COL23A1: variants seen among roughly 807,000 people sequenced by gnomAD.
COL23A1 encodes collagen alpha-1(XXIII) chain.
In COL23A1, 97 loss-of-function variants were observed where a neutral mutation model predicts 99.3. The observed-to-expected ratio is 0.98, with a 90% confidence interval of 0.83 to 1.16. The LOEUF is 1.16. Among genes scored for constraint, COL23A1 ranks in the 50% most tolerant of loss-of-function variants. COL23A1 has a pLI of 0.00. For synonymous variants in COL23A1, 320 were observed against 308.2 expected (o/e 1.04, Z -0.40); for missense variants, 762 against 757.4 (o/e 1.01, Z -0.07).
chr5:178,318,497 G>T (rs530389614), intron 2 of COL23A1, among the ~76,000 whole-genome samples: 1 of 152,336 alleles, frequency 6.6e-6, no homozygotes, highest in South Asian at 2.1e-4. Flanking sequence ...CTGAGACTAC[G>T]ACCCTTCCTG....
intron 2 of COL23A1, among the ~76,000 whole-genome samples, chr5:178,369,220 G>A (rs371889217): frequency 6.6e-5 from 10 of 152,130 alleles, no homozygotes; most frequent in African/African-American, 2.4e-4. Context: ...CAGGGGAGAC[G>A]AACAGGTCTG....
chr5:178,576,912 G>A (rs1226620194), intron 1 of COL23A1, among the ~76,000 whole-genome samples: 2 of 151,804 alleles, frequency 1.3e-5, no homozygotes, highest in Admixed American at 6.6e-5. Context: ...GCGCGGCGCT[G>A]GCCGCTCTGC....
intron 1 of COL23A1, among the ~76,000 whole-genome samples, chr5:178,575,810 G>A (rs541245979): frequency 4.6e-4 from 70 of 152,292 alleles, no homozygotes; most frequent in African/African-American, 1.6e-3. Flanking sequence ...CGCAGGACAG[G>A]AAGGAAGCGG....
chr5:178,275,138 G>A (rs1424510938), intron 5 of COL23A1, among the ~76,000 whole-genome samples: 1 of 152,228 alleles, frequency 6.6e-6, no homozygotes, highest in Non-Finnish European at 1.5e-5. Flanking sequence ...GTGTCCCCGA[G>A]CCTCAGTTTC....
intron 2 of COL23A1, among the ~76,000 whole-genome samples, chr5:178,333,684 C>T (rs541007584): frequency 6.6e-6 from 1 of 152,288 alleles, no homozygotes; most frequent in South Asian, 2.1e-4. Flanking sequence ...ATCAGGGCCT[C>T]TGCCCCCAGG....
chr5:178,352,989 C>T (rs1325225824), intron 2 of COL23A1, among the ~76,000 whole-genome samples: 1 of 152,228 alleles, frequency 6.6e-6, no homozygotes, highest in Non-Finnish European at 1.5e-5. Flanking sequence ...AGGTAACTGG[C>T]AATGTACACT....
At chr5:178,569,959 C>T (rs1294484002) in intron 1 of COL23A1, among the ~76,000 whole-genome samples, 5 of 152,160 alleles carry the variant, frequency 3.3e-5, no homozygotes, top group South Asian at 2.1e-4. Flanking sequence ...GTGATTCCTT[C>T]GTAACTCAAT....
chr5:178,324,847 T>A lies in COL23A1; in HGVS notation c.362-17928A>T, dbSNP rs567951457. Among the ~76,000 whole-genome samples the A allele has an allele frequency of 1.3e-3, 194 of 152,272 alleles. 1 individual carries two copies. The highest frequency in any genetic ancestry group is 4.6e-3 in the African/African-American group (190 of 41,568). ...TCTGTGAGCAGCATCGCCACCTACC[T>A]GGGAGCTCGGCGGGGGTTGCAGGTG... is the stretch of plus-strand genomic sequence containing the variant. On this transcript the variant is annotated intron_variant, in intron 2 of 28. Transcript: ENST00000390654.
At chr5:178,320,834 A>C (rs984311388) in intron 2 of COL23A1, among the ~76,000 whole-genome samples, 4 of 152,154 alleles carry the variant, frequency 2.6e-5, no homozygotes, top group African/African-American at 9.7e-5. Flanking sequence ...TTCCCTCTAA[A>C]GCCACAGCTC....
intron 2 of COL23A1, among the ~76,000 whole-genome samples, chr5:178,485,238 C>CA (rs1189985107): frequency 3.3e-5 from 5 of 151,502 alleles, no homozygotes; most frequent in East Asian, 2.0e-4. Context: ...TTTGGGAGGC[C>CA]AGGAGGGCGG....
At chr5:178,511,446 C>T (rs1042966194) in intron 2 of COL23A1, among the ~76,000 whole-genome samples, 2 of 152,234 alleles carry the variant, frequency 1.3e-5, no homozygotes, top group South Asian at 2.1e-4. Flanking sequence ...CCTTCTTTCC[C>T]CAATCCCTGC....
chr5:178,458,646 A>AC (rs1290945292), intron 2 of COL23A1, among the ~76,000 whole-genome samples: 4 of 149,168 alleles, frequency 2.7e-5, no homozygotes, highest in African/African-American at 9.7e-5. Flanking sequence ...CCAAAAAAAA[A>AC]AACACAAGAA....
intron 2 of COL23A1, among the ~76,000 whole-genome samples, chr5:178,503,241 C>T (rs922538770): frequency 4.6e-5 from 7 of 151,974 alleles, no homozygotes; most frequent in South Asian, 4.1e-4. Flanking sequence ...ATTAGCCAAG[C>T]GTGGTGGCTG....
intron 2 of COL23A1, among the ~76,000 whole-genome samples, chr5:178,326,762 C>G (rs1198964799): frequency 2.0e-5 from 3 of 152,234 alleles, no homozygotes; most frequent in Non-Finnish European, 4.4e-5. Flanking sequence ...CTCTGTCACC[C>G]AGGCTGGAGT....
chr5:178,430,276 G>A (rs1766185551), intron 2 of COL23A1, among the ~76,000 whole-genome samples: 1 of 152,116 alleles, frequency 6.6e-6, no homozygotes, highest in African/African-American at 2.4e-5. Flanking sequence ...AGACACACAG[G>A]TGACTTCACT....
chr5:178,410,936 A>G (rs1194397826), intron 2 of COL23A1, among the ~76,000 whole-genome samples: 1 of 152,356 alleles, frequency 6.6e-6, no homozygotes, highest in African/African-American at 2.4e-5. Context: ...AAACGCTTAC[A>G]ACTCAACAAT....
At chr5:178,239,877 C>T (rs1764300648) in intron 27 of COL23A1, among the ~76,000 whole-genome samples, 1 of 134,708 alleles carries the variant, frequency 7.4e-6, no homozygotes, top group South Asian at 2.2e-4. Context: ...GTGACAGTGA[C>T]TCTGGCCTGG....
At chr5:178,486,498 C>T (rs960310788) in intron 2 of COL23A1, among the ~76,000 whole-genome samples, 4 of 151,990 alleles carry the variant, frequency 2.6e-5, no homozygotes, top group African/African-American at 4.8e-5. Flanking sequence ...AGCAAAAAGC[C>T]GAACGGTTAC....
At chr5:178,555,700 G>A (rs539318781) in intron 2 of COL23A1, among the ~76,000 whole-genome samples, 15 of 152,346 alleles carry the variant, frequency 9.8e-5, no homozygotes, top group Middle Eastern at 3.4e-3. Context: ...GACACGTGGA[G>A]TGGGACCACA....
Sources: gnomAD v4.1 joint callset for allele counts (sites outside exome capture counted in the v4.1 genomes callset) on GRCh38, gnomAD v4.1.1 for gene constraint, MANE v1.5 for transcripts, NCBI Gene and HGNC (gene_info 2026-07-23, HGNC 2026-07-21) for gene names.